The following ITGA9 variants were observed in gnomAD, a reference collection of about 807,000 sequenced individuals.
The protein encoded by ITGA9 is integrin subunit alpha 9.
A neutral mutation model predicts 127.8 loss-of-function variants in ITGA9; 56 were observed. That is an observed-to-expected ratio of 0.44 (90% confidence interval 0.35 to 0.55). The LOEUF is 0.55. Ranked by LOEUF, ITGA9 falls within the 20% of genes least tolerant of loss-of-function variation. The pLI is 0.00. For missense variants in ITGA9, 1,196 were observed against 1,347.1 expected (o/e 0.89, Z 1.76); for synonymous variants, 508 against 514.5 (o/e 0.99, Z 0.17).
intron 16 of ITGA9, among the ~76,000 whole-genome samples, chr3:37,652,484 G>A (rs983506801): frequency 6.6e-6 from 1 of 152,178 alleles, no homozygotes; most frequent in Admixed American, 6.5e-5. Context: ...GATAATCAAG[G>A]AAGGGAGTGT....
chr3:37,561,267 G>A (rs1269507863), intron 15 of ITGA9, among the ~76,000 whole-genome samples: 1 of 152,120 alleles, frequency 6.6e-6, no homozygotes, highest in Non-Finnish European at 1.5e-5. Context: ...CTTCTTTCCT[G>A]TACTAGGGCT....
At chr3:37,623,286 AT>A (rs1390241473) in intron 15 of ITGA9, among the ~76,000 whole-genome samples, 1 of 152,164 alleles carries the variant, frequency 6.6e-6, no homozygotes, top group Non-Finnish European at 1.5e-5. Context: ...CAATATACTT[AT>A]TTCTGTTTGG....
chr3:37,790,868 C>T (rs1446312102), intron 26 of ITGA9: 4 of 152,022 alleles, frequency 2.6e-5, no homozygotes, highest in South Asian at 2.1e-4. Flanking sequence ...GAGTAGGGGG[C>T]GAGAGGGGAA....
chr3:37,747,037 C>G (rs1450406031), intron 22 of ITGA9, among the ~76,000 whole-genome samples: 2 of 152,142 alleles, frequency 1.3e-5, no homozygotes, highest in Non-Finnish European at 2.9e-5. Context: ...TCATTCCTTC[C>G]TCTCTCCTAC....
At chr3:37,798,861 C>A (rs1697204169) in intron 26 of ITGA9, among the ~76,000 whole-genome samples, 1 of 152,106 alleles carries the variant, frequency 6.6e-6, no homozygotes. Context: ...TTAAATAAAT[C>A]TTTGCCACGT....
At chr3:37,656,488 CTGTT>C (rs1160500600) in intron 17 of ITGA9, among the ~76,000 whole-genome samples, 4 of 152,160 alleles carry the variant, frequency 2.6e-5, no homozygotes, top group Non-Finnish European at 4.4e-5. Context: ...ATTTGGCTCT[CTGTT>C]TGTCTGTTTT....
chr3:37,608,684 G>A (rs1384741557), intron 15 of ITGA9, among the ~76,000 whole-genome samples: 3 of 152,160 alleles, frequency 2.0e-5, no homozygotes, highest in Non-Finnish European at 1.5e-5. Flanking sequence ...TTTACTAGAT[G>A]TTTCAGTGAC....
intron 15 of ITGA9, among the ~76,000 whole-genome samples, chr3:37,615,790 T>C (rs1225865388): frequency 6.6e-6 from 1 of 152,234 alleles, no homozygotes; most frequent in African/African-American, 2.4e-5. Context: ...GTAGTTTGTA[T>C]TTCTGTGGGA....
intron 15 of ITGA9, among the ~76,000 whole-genome samples, chr3:37,567,154 C>G (rs1366601456): frequency 6.6e-6 from 1 of 152,218 alleles, no homozygotes; most frequent in African/African-American, 2.4e-5. Context: ...TTCCACATGA[C>G]TGGGGAAGCC....
At chr3:37,746,909 A>C (rs555826518) in intron 22 of ITGA9, among the ~76,000 whole-genome samples, 22 of 152,186 alleles carry the variant, frequency 1.4e-4, no homozygotes, top group South Asian at 8.3e-4. Flanking sequence ...ACATCCTGTC[A>C]TGTGTGAAGA....
Position 37,471,141 on chromosome 3 carries a change from G to A in ITGA9, c.313+7G>A, listed in dbSNP as rs762370261. ...GAACTGGACATGGCTCGAGGTGGGT[G>A]ACCATTACTGCTGTGGTGGAAATGG... On this transcript the variant is annotated splice_region_variant and intron_variant, in intron 2 of 27. Transcript: ENST00000264741. 2 of 1,613,862 alleles carry A rather than the reference G, an allele frequency of 1.2e-6. No individual in the cohort carries two copies. The highest frequency in any genetic ancestry group is 1.3e-5 in the African/African-American group (1 of 74,992).
Position 37,629,214 on chromosome 3 carries a change from A to G in ITGA9, c.1717A>G (p.Ile573Val), listed in dbSNP as rs777327258. The change falls in exon 16 of 28, where the codon ATC (isoleucine) becomes GTC (valine). Residue 573 changes from isoleucine to valine, a missense_variant. Coordinates refer to ENST00000264741, the MANE Select transcript of ITGA9 (RefSeq NM_002207.3). This position sits in a 1 kb window ranked among gnomAD's most constrained non-coding sequence, Gnocchi z 4.5. ...KRRVQDVISP[I>V]VFEAAYSLSE... ...GAGGGTGCAGGACGTCATCAGCCCG[A>G]TCGTGTTTGAAGCAGCCTACAGCCT... 48 of 1,613,142 alleles carry G rather than the reference A, an allele frequency of 3.0e-5. 1 individual carries two copies. The East Asian group carries it at 1.0e-3, about 35-fold the overall frequency.
Position 37,614,398 on chromosome 3 carries a change from T to G in ITGA9, c.1690-14789T>G, listed in dbSNP as rs1261390399. Among the ~76,000 whole-genome samples, 7 of 152,340 alleles carry G rather than the reference T, an allele frequency of 4.6e-5. No individual in the cohort carries two copies. In the East Asian group the frequency reaches 1.2e-3, roughly 25 times the overall value. Reference sequence around the variant, plus strand: ...TAGTATAGTTTGAAGTCAGGTAGCGTGATGCCTCCGGTTTTGTTCTTTTGG... The same window carrying G: ...TAGTATAGTTTGAAGTCAGGTAGCGGGATGCCTCCGGTTTTGTTCTTTTGG... On this transcript the variant is annotated intron_variant, in intron 15 of 27. Transcript: ENST00000264741.
intron 17 of ITGA9, among the ~76,000 whole-genome samples, chr3:37,662,775 C>G (rs934139439): frequency 1.3e-5 from 2 of 152,258 alleles, no homozygotes; most frequent in African/African-American, 2.4e-5. Flanking sequence ...ACTCACTGTA[C>G]GAAAAGTCGA....
At chr3:37,625,171 G>A (rs1486274471) in intron 15 of ITGA9, among the ~76,000 whole-genome samples, 1 of 152,096 alleles carries the variant, frequency 6.6e-6, no homozygotes, top group East Asian at 1.9e-4. Context: ...TTTTGACTGT[G>A]CCCAGGGGCA....
At chr3:37,492,468 T>G (rs1698683439) in intron 4 of ITGA9, among the ~76,000 whole-genome samples, 2 of 152,262 alleles carry the variant, frequency 1.3e-5, no homozygotes, top group Admixed American at 6.5e-5. Context: ...TGGGGTATTC[T>G]TAGCTCCCAG....
intron 9 of ITGA9, among the ~76,000 whole-genome samples, chr3:37,514,413 G>A (rs1433886948): frequency 1.3e-5 from 2 of 152,198 alleles, no homozygotes; most frequent in African/African-American, 2.4e-5. Context: ...CAATGGCTGG[G>A]GAATCTTGAA....
intron 9 of ITGA9, 70 bp from the exon 10 acceptor site, chr3:37,517,434 A>G (rs1698994529): frequency 8.2e-7 from 1 of 1,219,906 alleles, no homozygotes; most frequent in South Asian, 1.3e-5. Context: ...CTGGTTTTTT[A>G]TTGATTTTTA....
At chr3:37,784,670 C>T (rs777191773) in intron 25 of ITGA9, among the ~76,000 whole-genome samples, 19 of 152,202 alleles carry the variant, frequency 1.2e-4, no homozygotes, top group Non-Finnish European at 2.6e-4. Flanking sequence ...TCTTTGTGAA[C>T]ATGTCAATAT....
Sources: allele counts gnomAD v4.1 joint callset (sites outside exome capture counted in the v4.1 genomes callset), GRCh38; gene constraint gnomAD v4.1.1; non-coding constraint Gnocchi (gnomAD v3.1); transcripts MANE v1.5; gene names NCBI Gene and HGNC (gene_info 2026-07-23, HGNC 2026-07-21).